The following C2orf78 variants were observed in gnomAD, a reference collection of about 807,000 sequenced individuals.
C2orf78 encodes the protein chromosome 2 open reading frame 78.
In C2orf78, 12 loss-of-function variants were observed where a neutral mutation model predicts 21.4. That is an observed-to-expected ratio of 0.56 (90% CI 0.36 to 0.91). The LOEUF (loss-of-function observed/expected upper bound fraction) is 0.91. Ranked by LOEUF, C2orf78 falls within the 40% of genes least tolerant of loss-of-function variation. The probability of loss-of-function intolerance (pLI) is 0.01; values close to 1 mark genes in which losing one functional copy is unlikely to be tolerated. For synonymous variants in C2orf78, 396 were observed against 413.9 expected (o/e 0.96, Z 0.52); for missense variants, 1,042 against 1,092.4 (o/e 0.95, Z 0.65).
chr2:73,811,532 A>G (rs962295637), intron 1 of C2orf78, among the ~76,000 whole-genome samples: 7 of 152,214 alleles, frequency 4.6e-5, no homozygotes, highest in African/African-American at 1.7e-4. Context: ...TTATCTTAAT[A>G]CTTTCTTCCA....
exon 3 of C2orf78, chr2:73,815,568 G>C: frequency 6.2e-7 from 1 of 1,613,916 alleles, no homozygotes; most frequent in East Asian, 2.2e-5. Context: ...TACATGGGTG[G>C]AGGATACTTA....
exon 3 of C2orf78, chr2:73,816,155 C>T (rs758035881): frequency 1.9e-5 from 30 of 1,613,736 alleles, no homozygotes; most frequent in African/African-American, 1.7e-4. Context: ...GGAAAAAGAT[C>T]GATATGAAAA....
At chr2:73,814,512 C>T (rs548807484) in intron 2 of C2orf78, among the ~76,000 whole-genome samples, 3 of 152,220 alleles carry the variant, frequency 2.0e-5, no homozygotes, top group African/African-American at 7.2e-5. Flanking sequence ...CACACTACCA[C>T]GCTGTAATGT....
exon 3 of C2orf78, chr2:73,815,992 C>T (rs1291433464): frequency 1.2e-6 from 2 of 1,613,658 alleles, no homozygotes; most frequent in Non-Finnish European, 1.7e-6. Context: ...AGTAAGCAGT[C>T]AGGGAAAAAA....
rs199942899 is a variant in C2orf78 at position 73,816,421 on chromosome 2, A to G, written c.2198A>G (p.His733Arg). ...ACCCTGGACCAACCTCAAGCTCGAC[A>G]TGTTTCTCGGCGGCCAAACCCTCTA... Residue 733 changes from histidine to arginine, a missense_variant, in exon 3 of 3, where the codon CAT becomes CGT. His to Arg is a conservative substitution (Grantham distance 29, BLOSUM62 0). This residue lies in a region of C2orf78 where 1,039 missense variants were observed against 1,069.7 expected (regional missense o/e 0.97). Coordinates refer to ENST00000409561, the Ensembl canonical transcript of C2orf78. 114 of 1,613,718 alleles carry G rather than the reference A, an allele frequency of 7.1e-5. No homozygotes were observed. The African/African-American group carries it at 1.4e-3, about 19-fold the overall frequency.
exon 3 of C2orf78, chr2:73,816,414 G>A (rs372554331): frequency 7.4e-6 from 12 of 1,613,786 alleles, no homozygotes; most frequent in Middle Eastern, 1.6e-4. Flanking sequence ...CCAACCTCAA[G>A]CTCGACATGT....
chr2:73,816,847 A>T, exon 3 of C2orf78: 1 of 1,614,072 alleles, frequency 6.2e-7, no homozygotes, highest in Non-Finnish European at 8.5e-7. Flanking sequence ...ACAGAAGAGC[A>T]GAGGCCAGAG....
intron 1 of C2orf78, among the ~76,000 whole-genome samples, chr2:73,808,162 G>T (rs546989659): frequency 4.0e-5 from 6 of 151,082 alleles, no homozygotes; most frequent in South Asian, 2.1e-4. Context: ...TCTGAGGCAG[G>T]AGAATGGCGT....
chr2:73,816,420 C>T (rs1375060351), exon 3 of C2orf78: 4 of 1,613,834 alleles, frequency 2.5e-6, no homozygotes, highest in Non-Finnish European at 3.4e-6. Flanking sequence ...TCAAGCTCGA[C>T]ATGTTTCTCG....
chr2:73,810,985 T>C (rs1199262229), intron 1 of C2orf78, among the ~76,000 whole-genome samples: 1 of 146,238 alleles, frequency 6.8e-6, no homozygotes, highest in African/African-American at 2.5e-5. Flanking sequence ...TATATATATA[T>C]ATGTTTTAGA....
intron 1 of C2orf78, among the ~76,000 whole-genome samples, chr2:73,810,833 T>TTA (rs992294492): frequency 2.9e-5 from 4 of 135,750 alleles, no homozygotes; most frequent in African/African-American, 8.3e-5. Context: ...TACATGTATG[T>TTA]TATATATATT....
At chr2:73,816,804 A>G in exon 3 of C2orf78, 3 of 1,613,914 alleles carry the variant, frequency 1.9e-6, no homozygotes, top group Non-Finnish European at 2.5e-6. Flanking sequence ...GAGGAAACCC[A>G]CTGTTCCTGA....
chr2:73,810,282 G>C (rs939572288), intron 1 of C2orf78, among the ~76,000 whole-genome samples: 3 of 151,944 alleles, frequency 2.0e-5, no homozygotes, highest in Non-Finnish European at 4.4e-5. Flanking sequence ...TGTAATCCCA[G>C]CACTTTGGGA....
chr2:73,816,107 G>A (rs747612140), exon 3 of C2orf78: 2 of 1,613,950 alleles, frequency 1.2e-6, no homozygotes, highest in Admixed American at 3.3e-5. Context: ...CCCTAGGCAT[G>A]CACATGCTAG....
At chr2:73,797,923 TA>T (rs1672954607) in intron 1 of C2orf78, among the ~76,000 whole-genome samples, 1 of 28,236 alleles carries the variant, frequency 3.5e-5, no homozygotes, top group South Asian at 1.3e-3. Flanking sequence ...TTCACGAATG[TA>T]AAAATGCAAG....
At chr2:73,815,703 G>A (rs774867251) in exon 3 of C2orf78, 1 of 1,613,768 alleles carries the variant, frequency 6.2e-7, no homozygotes, top group Non-Finnish European at 8.5e-7. Flanking sequence ...TGTCATAAAG[G>A]GTCACTCTGA....
At chr2:73,816,851 G>A (rs1673213380) in exon 3 of C2orf78, 1 of 1,614,000 alleles carries the variant, frequency 6.2e-7, no homozygotes, top group Non-Finnish European at 8.5e-7. Context: ...AAGAGCAGAG[G>A]CCAGAGCGTG....
chr2:73,808,688 C>T (rs912198934), intron 1 of C2orf78: 2 of 1,489,974 alleles, frequency 1.3e-6, no homozygotes, highest in Admixed American at 2.0e-5. Flanking sequence ...ATTCTCCCAC[C>T]AAACCAACTG....
intron 1 of C2orf78, among the ~76,000 whole-genome samples, chr2:73,811,136 CA>C (rs1327132755): frequency 6.6e-6 from 1 of 151,276 alleles, no homozygotes; most frequent in Non-Finnish European, 1.5e-5. Flanking sequence ...ACTAAAAATA[CA>C]AAAATTAGCT....
Sources: allele counts gnomAD v4.1 joint callset (sites outside exome capture counted in the v4.1 genomes callset), GRCh38; gene constraint gnomAD v4.1.1; regional missense constraint gnomAD v4.1.1; transcripts MANE v1.5; gene names NCBI Gene and HGNC (gene_info 2026-07-23, HGNC 2026-07-21).